The following TELO2 variants were observed in gnomAD, a reference collection of about 807,000 sequenced individuals.
TELO2 encodes telomere length regulation protein TEL2 homolog.
TELO2 carries 71 observed loss-of-function variants against 91.0 expected under a neutral mutation model. The observed-to-expected ratio is 0.78, with a 90% CI of 0.64 to 0.95. TELO2 has a LOEUF of 0.95. Among genes scored for constraint, TELO2 ranks in the 40% least tolerant of loss-of-function variants. The pLI is 0.00. For synonymous variants in TELO2, 584 were observed against 518.9 expected, an observed-to-expected ratio of 1.13 and a Z score of -1.71; for missense variants, 1,183 against 1,141.3, an observed-to-expected ratio of 1.04 and a Z score of -0.53.
Position 1,505,442 on chromosome 16 carries a change from G to T in TELO2, c.1875G>T (p.Arg625Ser). 6.2e-7 allele frequency: 1 copy of T among 1,613,072 alleles called. No individual in the cohort carries two copies. Among genetic ancestry groups the T allele is most frequent in the Non-Finnish European group, 8.5e-7 (1 of 1,180,000 alleles). Residue 625 changes from arginine to serine, a missense_variant, in exon 16 of 21, where the codon AGG (arginine) becomes AGT (serine). Transcript: ENST00000262319. This position sits in a 1 kb window ranked among gnomAD's most constrained non-coding sequence, Gnocchi z 4.3. ...CTCTGGCTGCCCAGGAGCTGTCTAG[G>T]CCTGGGTGCCTCGGGAGGACTCCCC... is the stretch of plus-strand genomic sequence containing the variant. ...VLTLAAQELS[R>S]PGCLGRTPQP...
At chr16:1,501,529 C>T (rs543567269) in intron 10 of TELO2, 30 bp downstream of exon 10, 37 of 1,591,752 alleles carry the variant, frequency 2.3e-5, no homozygotes, top group East Asian at 6.7e-5. Flanking sequence ...GGGACCCCAC[C>T]GCGTGCACAT....
At chr16:1,508,238 T>C (rs2039980781) in intron 20 of TELO2, among the ~76,000 whole-genome samples, 1 of 152,192 alleles carries the variant, frequency 6.6e-6, no homozygotes, top group African/African-American at 2.4e-5. Context: ...GTTCAAGCAA[T>C]TCTCCCGCCT....
intron 15 of TELO2, among the ~76,000 whole-genome samples, chr16:1,504,433 C>CAAAAA (rs1197074771): frequency 7.4e-5 from 2 of 26,922 alleles, no homozygotes; most frequent in East Asian, 9.9e-4. Context: ...GACTCCATCT[C>CAAAAA]AAAAAAAAAA....
In TELO2 at chr16:1,497,546, TG is replaced by T; in HGVS notation, c.830+42del. 1 of 1,523,492 alleles carries T rather than the reference TG, an allele frequency of 6.6e-7. No homozygotes were observed. The highest frequency in any genetic ancestry group is 8.8e-7 in the Non-Finnish European group (1 of 1,136,526). 94.4% of individuals were successfully genotyped at this position (1,523,492 alleles called of 1,614,324 possible). A position where few individuals can be genotyped will look rare whatever the true frequency, so the allele number is the denominator to read the frequency against. On this transcript the variant is annotated intron_variant, in intron 5 of 20. Transcript: ENST00000262319. The surrounding 1 kb of genome is among the most constrained non-coding windows in gnomAD (Gnocchi z 4.0). ...GCTGTCCTCCAGCTGCACTGGCTTC[TG>T]GGGTCTGGACCCCCAGAGGCTGCCA...
At chr16:1,509,026 G>A (rs1217238203) in intron 20 of TELO2, among the ~76,000 whole-genome samples, 2 of 151,938 alleles carry the variant, frequency 1.3e-5, no homozygotes. Flanking sequence ...CCTGCCTGGA[G>A]GAGGAGAGGT....
intron 10 of TELO2, 53 bp downstream of exon 10, chr16:1,501,552 G>C (rs563344740): frequency 1.3e-6 from 2 of 1,574,198 alleles, no homozygotes; most frequent in Admixed American, 1.8e-5. Context: ...TACTGCTCTG[G>C]ATTCCGCTGC....
rs755695672 is a variant in TELO2 at position 1,507,705 on chromosome 16, C to G, written c.2396C>G (p.Ser799Cys). The change falls in exon 20 of 21, where the codon TCC (serine) becomes TGC (cysteine). Residue 799 changes from serine (S) to cysteine (C), a missense_variant. Ser to Cys is a moderately radical substitution (Grantham distance 112). Coordinates refer to ENST00000262319, the MANE Select transcript of TELO2 (RefSeq NM_016111.4). ...DLMDELLEAR[S>C]WLADVAEKDP... ...ATGGACGAGCTGCTGGAAGCCCGGT[C>G]CTGGCTGGCGGGTGAGTGTCGGCCT... 1 of 1,603,488 alleles carries G rather than the reference C, an allele frequency of 6.2e-7. No individual in the cohort carries two copies. Among genetic ancestry groups the G allele is most frequent in the South Asian group, 1.1e-5 (1 of 90,632 alleles).
chr16:1,505,967 C>G lies in TELO2; in HGVS notation c.2035-271C>G, dbSNP rs1424126923. Among the ~76,000 whole-genome samples, 1 of 152,102 alleles carries G rather than the reference C, an allele frequency of 6.6e-6. No individual in the cohort carries two copies. Among genetic ancestry groups the G allele is most frequent in the East Asian group, 1.9e-4 (1 of 5,198 alleles). ...GGCCACGGAGGCATCCTGCAGTGCC[C>G]AGGGCGGCCTCCCCAGGACGCTCCT... On this transcript the variant is annotated intron_variant, in intron 16 of 20. Transcript: ENST00000262319. This position sits in a 1 kb window ranked among gnomAD's most constrained non-coding sequence, Gnocchi z 4.3.
intron 6 of TELO2, among the ~76,000 whole-genome samples, chr16:1,499,824 C>T (rs2141034096): frequency 6.6e-6 from 1 of 152,342 alleles, no homozygotes; most frequent in East Asian, 1.9e-4. Flanking sequence ...CCTGCCCCAG[C>T]ACGGCAGCAG....
rs771746106 is a variant in TELO2, at chr16:1,506,954, C to T, written c.2129C>T (p.Pro710Leu). 7 of 1,608,718 alleles carry T rather than the reference C, an allele frequency of 4.4e-6. No homozygotes were observed. The African/African-American group carries it at 9.4e-5, about 21-fold the overall frequency. Residue 710 changes from proline to leucine, a missense_variant and splice_region_variant, in exon 18 of 21, where the codon CCT (proline) becomes CTT (leucine). Transcript: ENST00000262319. Reference protein sequence around the residue: ...FFPLLQRFDRPLVTFDLLGED... With the variant: ...FFPLLQRFDRLLVTFDLLGED... ...TTGGGCTCCATCCTGTGCTCTAGGC[C>T]TCTGGTGACCTTCGACCTCTTGGGA...
At chr16:1,495,272 C>T in intron 2 of TELO2, 74 bp from the exon 3 acceptor site, 2 of 1,481,262 alleles carry the variant, frequency 1.4e-6, no homozygotes, top group Non-Finnish European at 1.8e-6. Flanking sequence ...ATCCGGGCTG[C>T]TGGTTCCTTG....
chr16:1,503,472 A>G (rs2667663), intron 15 of TELO2, among the ~76,000 whole-genome samples: 6,802 of 151,992 alleles, frequency 0.045, 478 homozygotes, highest in African/African-American at 0.15. Context: ...GATCCCTCGA[A>G]CCCAGGAGGT....
At position 1,497,226 on chromosome 16, in the gene TELO2, G is replaced by T; in HGVS notation, c.682+122G>T. On this transcript the variant is annotated intron_variant, in intron 4 of 20. Coordinates refer to ENST00000262319, the MANE Select transcript of TELO2 (RefSeq NM_016111.4). This position sits in a 1 kb window ranked among gnomAD's most constrained non-coding sequence, Gnocchi z 4.0. ...CTGCAGGGTCCCCTTGCCCGGTCCT[G>T]TCCTGGGCCCGTGGGATCTGGGGCT... 3.3e-6 allele frequency: 5 copies of T among 1,506,236 alleles called. No homozygotes were observed. Among genetic ancestry groups the T allele is most frequent in the Non-Finnish European group, 4.5e-6 (5 of 1,118,770 alleles). 93.3% of individuals were successfully genotyped at this position (1,506,236 alleles called of 1,614,324 possible). A position where few individuals can be genotyped will look rare whatever the true frequency, so the allele number is the denominator to read the frequency against.
chr16:1,502,301 G>T lies in TELO2; in HGVS notation c.1562-12G>T, dbSNP rs1379190222. 3 of 1,595,716 alleles carry T rather than the reference G, an allele frequency of 1.9e-6. No individual in the cohort carries two copies. The highest frequency in any genetic ancestry group is 2.7e-5 in the African/African-American group (2 of 74,652). ...GCTGAGGCTGACCGAGGCCTCTCTG[G>T]GTTCTGTGCAGCCCTGACCACGTCT... On this transcript the variant is annotated splice_polypyrimidine_tract_variant and intron_variant, in intron 12 of 20. Transcript: ENST00000262319.
chr16:1,502,846 C>T (rs373834836), intron 14 of TELO2, 85 bp downstream of exon 14: 6 of 1,602,408 alleles, frequency 3.7e-6, no homozygotes, highest in Non-Finnish European at 5.1e-6. Flanking sequence ...CGGTCCTGTG[C>T]TGGAGCTGGC....
rs1360701911 is a variant in TELO2, at chr16:1,494,414, C to T, written c.133C>T (p.Pro45Ser). The stretch of plus-strand genomic sequence containing the variant: ...GCGGTATCTCGGTGAGATGGAGCCT[C>T]CAGCGCTCCCGAGGGAGAAGGAGGA... ...LKRYLGEMEP[P>S]ALPREKEEFA... Residue 45 changes from proline (P) to serine (S), a missense_variant, in exon 2 of 21, where the codon CCA (proline) becomes TCA (serine). Coordinates refer to ENST00000262319, the MANE Select transcript of TELO2 (RefSeq NM_016111.4). The surrounding 1 kb of genome is among the most constrained non-coding windows in gnomAD (Gnocchi z 5.6). The T allele has an allele frequency of 2.5e-6, 4 of 1,613,234 alleles. No individual in the cohort carries two copies. The highest frequency in any genetic ancestry group is 3.4e-6 in the Non-Finnish European group (4 of 1,179,958).
In TELO2 at chr16:1,505,243, G is replaced by A. The variant is rs1054565005; in HGVS notation, c.1843-167G>A. 1.3e-6 allele frequency: 1 copy of A among 765,530 alleles called. No individual in the cohort carries two copies. Among genetic ancestry groups the A allele is most frequent in the South Asian group, 2.0e-5 (1 of 50,646 alleles). 47.4% of individuals were successfully genotyped at this position (765,530 alleles called of 1,614,324 possible). A position where few individuals can be genotyped will look rare whatever the true frequency, so the allele number is the denominator to read the frequency against. On this transcript the variant is annotated intron_variant, in intron 15 of 20. Transcript: ENST00000262319. The surrounding 1 kb of genome is among the most constrained non-coding windows in gnomAD (Gnocchi z 4.3). Reference sequence around the variant, plus strand: ...CCACCTTCCCGCCTACCAAGGCGCGGTTGCTGTGAGCTACGGGGAAGTGAC... The same window carrying A: ...CCACCTTCCCGCCTACCAAGGCGCGATTGCTGTGAGCTACGGGGAAGTGAC...
chr16:1,509,733 A>C (rs2040062905), intron 20 of TELO2, 97 bp from the exon 21 acceptor site: 2 of 1,145,558 alleles, frequency 1.7e-6, no homozygotes, highest in African/African-American at 3.1e-5. Flanking sequence ...CCATGGAGTC[A>C]GGCCTGGCGG....
chr16:1,500,780 C>T (rs565166243), intron 9 of TELO2, 81 bp downstream of exon 9: 41 of 1,548,250 alleles, frequency 2.6e-5, no homozygotes, highest in African/African-American at 8.1e-5. Flanking sequence ...CCAGGGTCAC[C>T]GCCTCTTCCC....
Sources: allele counts gnomAD v4.1 joint callset (sites outside exome capture counted in the v4.1 genomes callset), GRCh38; gene constraint gnomAD v4.1.1; non-coding constraint Gnocchi (gnomAD v3.1); transcripts MANE v1.5; gene names NCBI Gene and HGNC (gene_info 2026-07-23, HGNC 2026-07-21).